Variants in NAALADL2 observed in about 807,000 individuals in gnomAD.
NAALADL2 encodes the protein N-acetylated alpha-linked acidic dipeptidase like 2.
NAALADL2 carries 76 observed loss-of-function variants against 87.2 expected under a neutral mutation model. The observed-to-expected ratio is 0.87, with a 90% CI of 0.72 to 1.05. NAALADL2 has a LOEUF of 1.05. Ranked by LOEUF, NAALADL2 falls within the 50% of genes least tolerant of loss-of-function variation. The pLI is 0.00. For missense variants in NAALADL2, 1,089 were observed against 945.8 expected (o/e 1.15, Z -1.99); for synonymous variants, 354 against 331.0 (o/e 1.07, Z -0.75).
At chr3:174,895,954 A>T (rs532444876) in intron 1 of NAALADL2, among the ~76,000 whole-genome samples, 2 of 152,274 alleles carry the variant, frequency 1.3e-5, no homozygotes, top group Non-Finnish European at 2.9e-5. Context: ...TGATTATTCC[A>T]ATTGATGCTG....
In NAALADL2 at chr3:175,246,495, C is replaced by T. The variant is rs375584216; in HGVS notation, c.820-9916C>T. On this transcript the variant is annotated intron_variant, in intron 3 of 13. Transcript: ENST00000454872. ...ATGTCAAGTCTAAAAGACTTCAATGCATTAATCATTTCATACACATGAATA... is the reference window on the plus strand; with the variant it reads ...ATGTCAAGTCTAAAAGACTTCAATGTATTAATCATTTCATACACATGAATA... 5.9e-5 allele frequency among the ~76,000 whole-genome samples: 9 copies of T among 152,232 alleles called. 1 individual carries two copies. The highest frequency in any genetic ancestry group is 2.2e-4 in the African/African-American group (9 of 41,532).
chr3:175,191,467 G>A (rs1738195287), intron 2 of NAALADL2, among the ~76,000 whole-genome samples: 1 of 152,152 alleles, frequency 6.6e-6, no homozygotes, highest in Non-Finnish European at 1.5e-5. Flanking sequence ...AATTTTGGAA[G>A]GAGGAGATTG....
At position 175,200,641 on chromosome 3, in the gene NAALADL2, C is replaced by T. The variant is rs186191604; in HGVS notation, c.546-33290C>T. Among the ~76,000 whole-genome samples the T allele has an allele frequency of 3.3e-5, 5 of 152,300 alleles. 1 individual carries two copies. The highest frequency in any genetic ancestry group is 2.6e-4 in the Admixed American group (4 of 15,288). On this transcript the variant is annotated intron_variant, in intron 2 of 13. Coordinates refer to ENST00000454872, the MANE Select transcript of NAALADL2 (RefSeq NM_207015.3). ...TAAACCTGACTCACATCCAGTGAGA[C>T]ATGAAAGCTAATGACTTTGATTGCC...
chr3:174,726,142 C>T (rs1343336267), intron 2 of NAALADL2, among the ~76,000 whole-genome samples: 1 of 152,134 alleles, frequency 6.6e-6, no homozygotes, highest in Non-Finnish European at 1.5e-5. Flanking sequence ...CAGTGCTGTG[C>T]CAACCCTAAT....
intron 13 of NAALADL2, among the ~76,000 whole-genome samples, chr3:175,800,271 G>A (rs934168441): frequency 4.6e-5 from 7 of 151,768 alleles, no homozygotes; most frequent in Admixed American, 2.6e-4. Context: ...TTATACCAGA[G>A]CATTGCTCAC....
intron 2 of NAALADL2, among the ~76,000 whole-genome samples, chr3:174,611,770 T>G (rs555876339): frequency 6.6e-5 from 10 of 151,850 alleles, no homozygotes; most frequent in Non-Finnish European, 1.5e-4. Context: ...TTTGTATTTT[T>G]TTTTTTAGTA....
chr3:175,719,602 CAT>C (rs1353619900), intron 11 of NAALADL2, among the ~76,000 whole-genome samples: 1 of 152,076 alleles, frequency 6.6e-6, no homozygotes, highest in African/African-American at 2.4e-5. Flanking sequence ...TTTTTTAAAA[CAT>C]AGAATAGGTC....
chr3:175,726,496 C>G (rs963144862), intron 11 of NAALADL2, among the ~76,000 whole-genome samples: 1 of 152,074 alleles, frequency 6.6e-6, no homozygotes, highest in Non-Finnish European at 1.5e-5. Flanking sequence ...CCTTGCCCCT[C>G]GAATGGGAAG....
chr3:174,966,582 A>G (rs1274560680), intron 1 of NAALADL2, among the ~76,000 whole-genome samples: 1 of 152,174 alleles, frequency 6.6e-6, no homozygotes, highest in African/African-American at 2.4e-5. Flanking sequence ...AGAGTGACAA[A>G]CAGATTTTTC....
chr3:174,547,447 T>A (rs1051763943), intron 1 of NAALADL2, among the ~76,000 whole-genome samples: 1 of 152,160 alleles, frequency 6.6e-6, no homozygotes, highest in Admixed American at 6.5e-5. Context: ...TAGCTACTTG[T>A]GGCAATAGCA....
At chr3:175,275,572 C>T (rs1344251489) in intron 4 of NAALADL2, among the ~76,000 whole-genome samples, 1 of 152,060 alleles carries the variant, frequency 6.6e-6, no homozygotes, top group Non-Finnish European at 1.5e-5. Flanking sequence ...TGGCAGTAAA[C>T]TGTCTCCTTG....
chr3:175,549,563 G>A (rs1277052621), intron 9 of NAALADL2, among the ~76,000 whole-genome samples: 1 of 151,812 alleles, frequency 6.6e-6, no homozygotes, highest in Admixed American at 6.6e-5. Flanking sequence ...GCTTTTTGGA[G>A]ACAATCAGAG....
chr3:174,518,169 G>A (rs7612085), intron 1 of NAALADL2, among the ~76,000 whole-genome samples: 86,100 of 151,898 alleles, frequency 0.57, 24,468 homozygotes, highest in South Asian at 0.64. Flanking sequence ...TACCTAGAGA[G>A]GCTACAAATC....
At chr3:175,184,197 A>C (rs1737003969) in intron 2 of NAALADL2, among the ~76,000 whole-genome samples, 1 of 152,070 alleles carries the variant, frequency 6.6e-6, no homozygotes, top group African/African-American at 2.4e-5. Flanking sequence ...GATCAACGCC[A>C]TCTGGAAGAA....
intron 2 of NAALADL2, among the ~76,000 whole-genome samples, chr3:174,735,554 A>G (rs745628879): frequency 3.3e-5 from 5 of 151,640 alleles, no homozygotes; most frequent in Non-Finnish European, 7.4e-5. Flanking sequence ...TTTCTCCTTC[A>G]TATTTTTTTG....
chr3:175,396,777 T>G (rs780224664), intron 5 of NAALADL2, among the ~76,000 whole-genome samples: 3 of 152,084 alleles, frequency 2.0e-5, no homozygotes, highest in Non-Finnish European at 4.4e-5. Context: ...CCTCACAAGA[T>G]CTAATGGTTT....
intron 11 of NAALADL2, among the ~76,000 whole-genome samples, chr3:175,724,685 T>G (rs1340653180): frequency 2.0e-5 from 3 of 152,112 alleles, no homozygotes; most frequent in Non-Finnish European, 4.4e-5. Context: ...AACAATCTAT[T>G]TATTTTTTCC....
intron 3 of NAALADL2, among the ~76,000 whole-genome samples, chr3:174,778,691 A>G (rs1255711050): frequency 6.6e-6 from 1 of 151,858 alleles, no homozygotes; most frequent in Non-Finnish European, 1.5e-5. Flanking sequence ...ATATGTTCTC[A>G]TTGTTCAACT....
At chr3:175,564,282 T>TA (rs1437041372) in intron 9 of NAALADL2, among the ~76,000 whole-genome samples, 1 of 152,216 alleles carries the variant, frequency 6.6e-6, no homozygotes, top group African/African-American at 2.4e-5. Context: ...ATGATGCTAA[T>TA]ACGCAAAATA....
Sources: allele counts gnomAD v4.1 joint callset (sites outside exome capture counted in the v4.1 genomes callset), GRCh38; gene constraint gnomAD v4.1.1; transcripts MANE v1.5; gene names NCBI Gene and HGNC (gene_info 2026-07-23, HGNC 2026-07-21).